KDM4D: variants seen among roughly 807,000 people sequenced by gnomAD.
KDM4D encodes lysine-specific demethylase 4D.
For synonymous variants in KDM4D, 254 were observed against 249.1 expected, an observed-to-expected ratio of 1.02 and a Z score of -0.19; for missense variants, 427 against 674.8, an observed-to-expected ratio of 0.63 and a Z score of 4.07.
intron 2 of KDM4D, among the ~76,000 whole-genome samples, chr11:94,993,516 T>A (rs1454147008): frequency 6.7e-6 from 1 of 150,358 alleles, no homozygotes; most frequent in Non-Finnish European, 1.5e-5. Flanking sequence ...CTAAGCAGTT[T>A]TTTTTTTTTT....
chr11:94,979,549 T>A lies in KDM4D; in HGVS notation c.-350+3801T>A, dbSNP rs587739502. Among the ~76,000 whole-genome samples, 103 of 152,294 alleles carry A rather than the reference T, an allele frequency of 6.8e-4. 1 individual carries two copies. Among genetic ancestry groups the A allele is most frequent in the Middle Eastern group, 3.4e-3 (1 of 294 alleles). On this transcript the variant is annotated intron_variant, in intron 2 of 2. Transcript: ENST00000335080. The stretch of plus-strand genomic sequence containing the variant: ...CTGGCCCAATGTGTGCATTTCTAAA[T>A]GATAATAGTCTTGCCAATTTTTAAA...
Position 94,997,455 on chromosome 11 carries a change from T to A in KDM4D, c.83T>A (p.Phe28Tyr). The A allele has an allele frequency of 6.2e-7, 1 of 1,613,966 alleles. No individual in the cohort carries two copies. Among genetic ancestry groups the A allele is most frequent in the African/African-American group, 1.3e-5 (1 of 75,014 alleles). Reference sequence around the variant, plus strand: ...ATATTTCATCCAACCAAAGAAGAGTTTAATGATTTTGATAAATATATTGCT... The same window carrying A: ...ATATTTCATCCAACCAAAGAAGAGTATAATGATTTTGATAAATATATTGCT... ...IMIFHPTKEE[F>Y]NDFDKYIAYM... The change falls in exon 3 of 3, where the codon TTT becomes TAT. Residue 28 changes from phenylalanine (F) to tyrosine (Y), a missense_variant. By Grantham distance (22) the Phe-to-Tyr change is conservative. Coordinates refer to ENST00000335080, the MANE Select transcript of KDM4D (RefSeq NM_018039.3).
chr11:94,995,198 T>C (rs587633541), intron 2 of KDM4D, among the ~76,000 whole-genome samples: 1 of 152,340 alleles, frequency 6.6e-6, no homozygotes, highest in South Asian at 2.1e-4. Flanking sequence ...ATAGACATAA[T>C]TGTAGAGACT....
rs1039753768 is a variant in KDM4D, at chr11:94,999,247, C to G, written c.*303C>G. 1.3e-5 allele frequency: 3 copies of G among 228,696 alleles called. No individual in the cohort carries two copies. The highest frequency in any genetic ancestry group is 5.4e-5 in the Admixed American group (1 of 18,458). 14.2% of individuals were successfully genotyped at this position (228,696 alleles called of 1,614,324 possible). A position where few individuals can be genotyped will look rare whatever the true frequency, so the allele number is the denominator to read the frequency against. ...CTAGGTCTTGTTGAGGTTAGCGTAA[C>G]CTGGTATATGCAACTACCATCCTCT... On this transcript the variant is annotated 3_prime_UTR_variant, in exon 3 of 3. Transcript: ENST00000335080.
intron 2 of KDM4D, among the ~76,000 whole-genome samples, chr11:94,976,572 T>C (rs1363937297): frequency 2.6e-5 from 4 of 152,180 alleles, no homozygotes; most frequent in Non-Finnish European, 5.9e-5. Flanking sequence ...ATTTTCTCTT[T>C]CTTATGATCT....
intron 2 of KDM4D, among the ~76,000 whole-genome samples, chr11:94,980,575 CTTTAG>C (rs1305291142): frequency 6.6e-6 from 1 of 152,034 alleles, no homozygotes; most frequent in African/African-American, 2.4e-5. Flanking sequence ...TTTAGGATGT[CTTTAG>C]TTTATATTAA....
chr11:94,976,949 T>C (rs909411280), intron 2 of KDM4D, among the ~76,000 whole-genome samples: 5 of 152,196 alleles, frequency 3.3e-5, no homozygotes, highest in African/African-American at 1.2e-4. Context: ...CAACAATTAA[T>C]TTTATAGCTG....
At chr11:94,984,623 A>G (rs587699008) in intron 2 of KDM4D, among the ~76,000 whole-genome samples, 43 of 151,120 alleles carry the variant, frequency 2.8e-4, no homozygotes, top group South Asian at 8.4e-4. Context: ...TGGGAAGCCG[A>G]GGAGGGCAGA....
At chr11:94,985,994 A>G (rs1041963317) in intron 2 of KDM4D, among the ~76,000 whole-genome samples, 1 of 152,216 alleles carries the variant, frequency 6.6e-6, no homozygotes, top group Non-Finnish European at 1.5e-5. Context: ...GAGCTGGGCA[A>G]TAACTTCTTA....
At chr11:94,986,589 C>G (rs1857889886) in intron 2 of KDM4D, among the ~76,000 whole-genome samples, 2 of 152,156 alleles carry the variant, frequency 1.3e-5, no homozygotes, top group African/African-American at 2.4e-5. Context: ...GAGTGAGACC[C>G]TGTCTTAAAA....
intron 2 of KDM4D, among the ~76,000 whole-genome samples, chr11:94,988,603 T>C (rs914487127): frequency 1.3e-5 from 2 of 152,200 alleles, no homozygotes; most frequent in Admixed American, 6.5e-5. Context: ...TAGCTTAGAC[T>C]CTAATTGGAA....
At chr11:94,985,200 A>G (rs587685644) in intron 2 of KDM4D, among the ~76,000 whole-genome samples, 2 of 152,338 alleles carry the variant, frequency 1.3e-5, no homozygotes, top group South Asian at 4.1e-4. Flanking sequence ...GATCTTATAT[A>G]TAGAAAGTCC....
chr11:94,981,946 T>G (rs1857846120), intron 2 of KDM4D, among the ~76,000 whole-genome samples: 1 of 151,318 alleles, frequency 6.6e-6, no homozygotes, highest in Non-Finnish European at 1.5e-5. Flanking sequence ...TTTCCTTTTC[T>G]TAAATATTTA....
At chr11:94,989,382 A>G (rs144573206) in intron 2 of KDM4D, among the ~76,000 whole-genome samples, 4 of 152,224 alleles carry the variant, frequency 2.6e-5, no homozygotes, top group African/African-American at 9.6e-5. Flanking sequence ...TTCAGCAGGA[A>G]GACTTCTGGC....
chr11:94,998,890 A>C lies in KDM4D; in HGVS notation c.1518A>C (p.Pro506=). 1.3e-6 allele frequency: 2 copies of C among 1,519,292 alleles called. No homozygotes were observed. Among genetic ancestry groups the C allele is most frequent in the Non-Finnish European group, 1.8e-6 (2 of 1,133,938 alleles). The allele number at this position is 1,519,292 out of a possible 1,614,324, so 94.1% of individuals were successfully genotyped here. ...ALMDKPVPLS[P]GLQHPVKASG... is the part of the protein sequence containing the mutation. Reference sequence around the variant, plus strand: ...TGGACAAGCCTGTACCACTGAGCCCAGGGCTCCAGCATCCTGTCAAGGCTT... The same window carrying C: ...TGGACAAGCCTGTACCACTGAGCCCCGGGCTCCAGCATCCTGTCAAGGCTT... Residue 506 remains proline, a synonymous_variant, in exon 3 of 3, where the codon CCA becomes CCC. Transcript: ENST00000335080. This position sits in a 1 kb window ranked among gnomAD's most constrained non-coding sequence, Gnocchi z 6.7.
chr11:94,979,637 A>AT (rs764840348), intron 2 of KDM4D, among the ~76,000 whole-genome samples: 24 of 152,130 alleles, frequency 1.6e-4, no homozygotes, highest in Non-Finnish European at 3.5e-4. Flanking sequence ...TTTTTGCTTT[A>AT]TTCCTCCCAC....
chr11:94,991,302 A>G (rs951116590), intron 2 of KDM4D, among the ~76,000 whole-genome samples: 9 of 152,316 alleles, frequency 5.9e-5, no homozygotes, highest in African/African-American at 1.4e-4. Context: ...ATATAAGGCA[A>G]TTACTAAAGG....
At chr11:94,974,596 G>C (rs1565416098) in intron 1 of KDM4D, among the ~76,000 whole-genome samples, 1 of 152,168 alleles carries the variant, frequency 6.6e-6, no homozygotes, top group South Asian at 2.1e-4. Flanking sequence ...TGAAAATCCT[G>C]ATTTTTCTTA....
chr11:94,994,621 G>A (rs1186759429), intron 2 of KDM4D, among the ~76,000 whole-genome samples: 2 of 151,980 alleles, frequency 1.3e-5, no homozygotes, highest in Non-Finnish European at 2.9e-5. Flanking sequence ...AGGAGGAAGG[G>A]GGAGGTGTTC....
Sources: gnomAD v4.1 joint callset for allele counts (sites outside exome capture counted in the v4.1 genomes callset) on GRCh38, gnomAD v4.1.1 for gene constraint, Gnocchi (gnomAD v3.1) non-coding constraint, MANE v1.5 for transcripts, NCBI Gene and HGNC (gene_info 2026-07-23, HGNC 2026-07-21) for gene names.